PCDH10: variants seen among roughly 807,000 people sequenced by gnomAD.
PCDH10 encodes protocadherin-10.
A neutral mutation model predicts 74.4 loss-of-function variants in PCDH10; 15 were observed. That is an observed-to-expected ratio of 0.20 (90% CI 0.13 to 0.31). PCDH10 has a LOEUF of 0.31. Among genes scored for constraint, PCDH10 ranks in the 10% least tolerant of loss-of-function variants. PCDH10 has a pLI of 1.00. For missense variants in PCDH10, 1,260 were observed against 1,390.2 expected, an observed-to-expected ratio of 0.91 and a Z score of 1.49; for synonymous variants, 619 against 589.8, an observed-to-expected ratio of 1.05 and a Z score of -0.72.
rs1450207126 is a variant in PCDH10, at chr4:133,190,237, A to G, written c.*77A>G. The G allele has an allele frequency of 2.3e-6, 3 of 1,319,578 alleles. No individual in the cohort carries two copies. Among genetic ancestry groups the G allele is most frequent in the African/African-American group, 1.4e-5 (1 of 69,064 alleles). 81.7% of individuals were successfully genotyped at this position (1,319,578 alleles called of 1,614,324 possible). A position where few individuals can be genotyped will look rare whatever the true frequency, so the allele number is the denominator to read the frequency against. On this transcript the variant is annotated 3_prime_UTR_variant, in exon 5 of 5. Transcript: ENST00000264360. ...ACAAAAGCATCAACTTTTCAACTTC[A>G]TTATCTTGGCCATCCAGTTAGTCAT...
intron 4 of PCDH10, among the ~76,000 whole-genome samples, chr4:133,168,149 TATA>T (rs1259633112): frequency 2.6e-5 from 4 of 151,528 alleles, no homozygotes; most frequent in South Asian, 2.1e-4. Flanking sequence ...CATGAGATAT[TATA>T]ATATTTTTTC....
intron 2 of PCDH10, among the ~76,000 whole-genome samples, chr4:133,202,145 G>A (rs1055573057): frequency 6.6e-6 from 1 of 152,140 alleles, no homozygotes; most frequent in Non-Finnish European, 1.5e-5. Flanking sequence ...AGGGTAAAGA[G>A]GGCTATGCAT....
At position 133,194,394 on chromosome 4, in the gene PCDH10, T is replaced by C. The variant is rs953433646; in HGVS notation, c.*4234T>C. On this transcript the variant is annotated 3_prime_UTR_variant, in exon 5 of 5. Coordinates refer to ENST00000264360, the MANE Select transcript of PCDH10 (RefSeq NM_032961.3). ...CCAATACATTCATACATGCTAGAGC[T>C]GAAAGTAAGCAGGGAATTTCAGCTC... The C allele has an allele frequency of 6.6e-6, 1 of 151,836 alleles. No individual in the cohort carries two copies. The highest frequency in any genetic ancestry group is 2.4e-5 in the African/African-American group (1 of 41,414). The allele number at this position is 151,836 out of a possible 1,614,324, so 9.4% of individuals were successfully genotyped here.
At chr4:133,200,703 A>G (rs912450820) in intron 2 of PCDH10, among the ~76,000 whole-genome samples, 1 of 152,162 alleles carries the variant, frequency 6.6e-6, no homozygotes, top group Non-Finnish European at 1.5e-5. Context: ...AAATGACACA[A>G]ATATAAGTCA....
At chr4:133,171,583 T>C (rs1357661386) in intron 4 of PCDH10, among the ~76,000 whole-genome samples, 3 of 152,092 alleles carry the variant, frequency 2.0e-5, no homozygotes, top group African/African-American at 7.2e-5. Flanking sequence ...AAAATAGATA[T>C]AATAAATTTG....
chr4:133,188,698 A>G (rs369108110), intron 4 of PCDH10, among the ~76,000 whole-genome samples: 40 of 87,366 alleles, frequency 4.6e-4, no homozygotes, highest in African/African-American at 1.8e-3. Flanking sequence ...TTTGAGATGG[A>G]GTTTCGCTCT....
intron 4 of PCDH10, among the ~76,000 whole-genome samples, chr4:133,165,301 GTT>G (rs34380819): frequency 8.8e-4 from 130 of 146,944 alleles, no homozygotes; most frequent in African/African-American, 2.9e-3. Context: ...GTCTAGACTG[GTT>G]TTTTTTTTTA....
At position 133,150,073 on chromosome 4, in the gene PCDH10, T is replaced by A. The variant is rs1049990941; in HGVS notation, c.-68T>A. ...GTATTTTTTCAGATTTTTTTTTGTT[T>A]CGTGGTGGTGGGGGAGGTGATTGGG... On this transcript the variant is annotated 5_prime_UTR_variant, in exon 1 of 5. Coordinates refer to ENST00000264360, the MANE Select transcript of PCDH10 (RefSeq NM_032961.3). 2 of 1,439,352 alleles carry A rather than the reference T, an allele frequency of 1.4e-6. No individual in the cohort carries two copies. The highest frequency in any genetic ancestry group is 2.9e-5 in the African/African-American group (2 of 70,092). 89.2% of individuals were successfully genotyped at this position (1,439,352 alleles called of 1,614,324 possible).
chr4:133,157,472 C>G (rs80166100), intron 3 of PCDH10, among the ~76,000 whole-genome samples: 6 of 151,900 alleles, frequency 3.9e-5, no homozygotes. Context: ...TCCAATTTTG[C>G]AAAATTAGGT....
chr4:133,199,114 C>A (rs1727850394), downstream of PCDH10, among the ~76,000 whole-genome samples: 1 of 151,046 alleles, frequency 6.6e-6, no homozygotes, highest in Non-Finnish European at 1.5e-5. Flanking sequence ...AGACCCTGTC[C>A]CTACAAAAAA....
chr4:133,157,658 C>T (rs1726893643), intron 3 of PCDH10, among the ~76,000 whole-genome samples: 1 of 152,314 alleles, frequency 6.6e-6, no homozygotes, highest in South Asian at 2.1e-4. Context: ...ATATTCCACA[C>T]TATAGTGTAC....
intron 4 of PCDH10, among the ~76,000 whole-genome samples, chr4:133,164,318 A>C (rs1013903764): frequency 6.6e-6 from 1 of 152,042 alleles, no homozygotes; most frequent in Admixed American, 6.6e-5. Context: ...CCTAAAATCA[A>C]ACTTTAATAA....
chr4:133,172,841 G>A (rs948990109), intron 4 of PCDH10, among the ~76,000 whole-genome samples: 13 of 151,898 alleles, frequency 8.6e-5, no homozygotes, highest in African/African-American at 2.9e-4. Context: ...AAGTCCCATT[G>A]CCTCCTATCC....
intron 3 of PCDH10, among the ~76,000 whole-genome samples, chr4:133,156,398 C>T (rs905120444): frequency 6.6e-6 from 1 of 152,258 alleles, no homozygotes; most frequent in African/African-American, 2.4e-5. Flanking sequence ...CCCCGGAGGT[C>T]TCTGCCCCTT....
intron 4 of PCDH10, among the ~76,000 whole-genome samples, chr4:133,179,543 G>A (rs1336855820): frequency 7.2e-5 from 11 of 151,934 alleles, no homozygotes; most frequent in Admixed American, 5.2e-4. Context: ...CTGAAAACCC[G>A]CTTTTCTCTC....
At chr4:133,164,879 A>G (rs1167140865) in intron 4 of PCDH10, among the ~76,000 whole-genome samples, 1 of 150,350 alleles carries the variant, frequency 6.7e-6, no homozygotes, top group Non-Finnish European at 1.5e-5. Flanking sequence ...GTGTGTTGCT[A>G]AAAATCAAAA....
chr4:133,181,283 CTTAG>C (rs1163403577), intron 4 of PCDH10, among the ~76,000 whole-genome samples: 3 of 151,706 alleles, frequency 2.0e-5, no homozygotes, highest in African/African-American at 7.3e-5. Flanking sequence ...TTCTAGATAA[CTTAG>C]TTTTTTTTAT....
intron 2 of PCDH10, 86 bp from the exon 3 acceptor site, chr4:133,154,831 C>A: frequency 1.1e-6 from 1 of 920,472 alleles, no homozygotes. Context: ...GTCTGCAGCA[C>A]CATCTGTGAC....
chr4:133,178,456 G>A (rs1401246058), intron 4 of PCDH10, among the ~76,000 whole-genome samples: 2 of 151,706 alleles, frequency 1.3e-5, no homozygotes, highest in Non-Finnish European at 1.5e-5. Flanking sequence ...GGCTGGTCTC[G>A]AACTCTCGAC....
Sources: gnomAD v4.1 joint callset for allele counts (sites outside exome capture counted in the v4.1 genomes callset) on GRCh38, gnomAD v4.1.1 for gene constraint, MANE v1.5 for transcripts, NCBI Gene and HGNC (gene_info 2026-07-23, HGNC 2026-07-21) for gene names.